Variants in CNNM1 observed in about 807,000 individuals in gnomAD.
CNNM1 encodes the protein metal transporter CNNM1.
In CNNM1, 44 loss-of-function variants were observed where a neutral mutation model predicts 78.8. The ratio of observed to expected loss-of-function variants is 0.56; its 90% CI spans 0.44 to 0.72. The LOEUF is 0.72. Ranked by LOEUF, CNNM1 falls within the 30% of genes least tolerant of loss-of-function variation. The probability of loss-of-function intolerance (pLI) is 0.00; values close to 1 mark genes in which losing one functional copy is unlikely to be tolerated. For synonymous variants in CNNM1, 584 were observed against 581.5 expected (o/e 1.00, Z -0.06); for missense variants, 1,101 against 1,292.2 (o/e 0.85, Z 2.27).
At chr10:99,350,503 A>G (rs932920240) in intron 1 of CNNM1, among the ~76,000 whole-genome samples, 1 of 152,196 alleles carries the variant, frequency 6.6e-6, no homozygotes, top group African/African-American at 2.4e-5. Flanking sequence ...GAGAGCTCTT[A>G]TCTATGGATG....
At chr10:99,360,557 A>G (rs1442598675) in intron 2 of CNNM1, among the ~76,000 whole-genome samples, 1 of 152,226 alleles carries the variant, frequency 6.6e-6, no homozygotes, top group Non-Finnish European at 1.5e-5. Context: ...TTACATGGTA[A>G]GTAGGGGAAC....
intron 6 of CNNM1, among the ~76,000 whole-genome samples, chr10:99,367,185 C>T (rs2031649022): frequency 6.6e-6 from 1 of 152,112 alleles, no homozygotes; most frequent in Admixed American, 6.5e-5. Flanking sequence ...AGAACCTCAA[C>T]CTATAGGTTG....
intron 1 of CNNM1, among the ~76,000 whole-genome samples, chr10:99,341,918 C>T (rs2030475463): frequency 6.6e-6 from 1 of 152,136 alleles, no homozygotes; most frequent in African/African-American, 2.4e-5. Context: ...TTAATCTTTT[C>T]TTGATGACGC....
intron 7 of CNNM1, among the ~76,000 whole-genome samples, chr10:99,385,133 A>C (rs1475543990): frequency 1.3e-5 from 2 of 152,144 alleles, no homozygotes; most frequent in Non-Finnish European, 2.9e-5. Flanking sequence ...AAAATAAATT[A>C]GTTAAATAAT....
chr10:99,386,686 T>G (rs1399164815), intron 7 of CNNM1, among the ~76,000 whole-genome samples: 2 of 152,206 alleles, frequency 1.3e-5, no homozygotes, highest in Non-Finnish European at 2.9e-5. Context: ...GTCTTGTCAG[T>G]AGTTGACAAG....
chr10:99,378,851 T>A (rs1041345743), intron 7 of CNNM1, among the ~76,000 whole-genome samples: 12 of 152,178 alleles, frequency 7.9e-5, no homozygotes, highest in Non-Finnish European at 1.8e-4. Flanking sequence ...CAGTGGGCTT[T>A]AGAGTGAGCG....
chr10:99,346,054 C>CA (rs779430672), intron 1 of CNNM1, among the ~76,000 whole-genome samples: 24 of 150,736 alleles, frequency 1.6e-4, no homozygotes, highest in Non-Finnish European at 1.6e-4. Context: ...GGAAAGAAGG[C>CA]AAAAAAAATA....
In CNNM1 at chr10:99,356,609, G is replaced by GAAAGA. The variant is rs1564947475; in HGVS notation, c.1574-900_1574-896dup. On this transcript the variant is annotated intron_variant, in intron 1 of 10. Transcript: ENST00000356713. ...GAAAGAAAGAAAGAAAGAAAGAAAA[G>GAAAGA]AAAGAAAGAAAGAAAAGAAAAGAAA... 9.8e-5 allele frequency among the ~76,000 whole-genome samples: 13 copies of GAAAGA among 132,614 alleles called. No individual in the cohort carries two copies. In the East Asian group the frequency reaches 1.4e-3, roughly 14 times the overall value. The allele number at this position is 132,614 out of a possible 152,430, so 87.0% of individuals were successfully genotyped here.
intron 6 of CNNM1, among the ~76,000 whole-genome samples, chr10:99,369,190 TAAATG>T (rs1481201804): frequency 2.0e-5 from 3 of 152,372 alleles, no homozygotes; most frequent in African/African-American, 7.2e-5. Flanking sequence ...CTTTTGTTGA[TAAATG>T]AAATAGTCAC....
At chr10:99,352,549 A>G (rs1323670065) in intron 1 of CNNM1, among the ~76,000 whole-genome samples, 1 of 152,098 alleles carries the variant, frequency 6.6e-6, no homozygotes, top group African/African-American at 2.4e-5. Context: ...TGTCTTTTTT[A>G]TTATTGCCAT....
chr10:99,351,668 G>A (rs1350444171), intron 1 of CNNM1, among the ~76,000 whole-genome samples: 2 of 151,906 alleles, frequency 1.3e-5, no homozygotes, highest in African/African-American at 2.4e-5. Flanking sequence ...CACCATTTCC[G>A]CCTGCACAAA....
intron 1 of CNNM1, among the ~76,000 whole-genome samples, chr10:99,353,285 C>A (rs577306885): frequency 3.5e-4 from 53 of 152,170 alleles, no homozygotes; most frequent in African/African-American, 1.1e-3. Context: ...ATACCTGTTG[C>A]CTCTCAGGGA....
chr10:99,338,412 G>A (rs1398443979), intron 1 of CNNM1, among the ~76,000 whole-genome samples: 1 of 151,538 alleles, frequency 6.6e-6, no homozygotes, highest in East Asian at 1.9e-4. Context: ...CCAAGTAGCT[G>A]GGACTACAGG....
chr10:99,391,563 G>T lies in CNNM1; in HGVS notation c.*47G>T. ...TGGGTGTGTGAAATTCCAGAGCTTT[G>T]GGGGAGAATCCACCCTCCCATCATC... On this transcript the variant is annotated 3_prime_UTR_variant, in exon 11 of 11. Transcript: ENST00000356713. The T allele has an allele frequency of 6.5e-7, 1 of 1,533,770 alleles. No homozygotes were observed. Among genetic ancestry groups the T allele is most frequent in the Non-Finnish European group, 9.0e-7 (1 of 1,111,584 alleles).
At chr10:99,366,225 T>C (rs2031614037) in intron 6 of CNNM1, among the ~76,000 whole-genome samples, 1 of 152,130 alleles carries the variant, frequency 6.6e-6, no homozygotes, top group Non-Finnish European at 1.5e-5. Flanking sequence ...CAATCAAGGT[T>C]GATGAAGGAA....
chr10:99,345,298 A>G (rs940378058), intron 1 of CNNM1, among the ~76,000 whole-genome samples: 1 of 152,224 alleles, frequency 6.6e-6, no homozygotes, highest in African/African-American at 2.4e-5. Flanking sequence ...TACATCAAAA[A>G]TGATATGGAG....
At chr10:99,362,759 C>G in intron 4 of CNNM1, among the ~76,000 whole-genome samples, 1 of 152,140 alleles carries the variant, frequency 6.6e-6, no homozygotes, top group East Asian at 1.9e-4. Flanking sequence ...CCACTGCCTC[C>G]TAAACTTTAG....
chr10:99,380,226 T>C (rs1039617043), intron 7 of CNNM1, among the ~76,000 whole-genome samples: 2 of 152,058 alleles, frequency 1.3e-5, no homozygotes, highest in African/African-American at 4.8e-5. Context: ...TACCACTACA[T>C]TGGGGTTAGG....
chr10:99,389,504 G>A (rs1028753474), intron 9 of CNNM1, among the ~76,000 whole-genome samples: 1 of 151,536 alleles, frequency 6.6e-6, no homozygotes, highest in South Asian at 2.1e-4. Flanking sequence ...GACATACATA[G>A]TCACTGTTCC....
Sources: gnomAD v4.1 joint callset for allele counts (sites outside exome capture counted in the v4.1 genomes callset) on GRCh38, gnomAD v4.1.1 for gene constraint, MANE v1.5 for transcripts, NCBI Gene and HGNC (gene_info 2026-07-23, HGNC 2026-07-21) for gene names.